The following THSD7B variants were observed in gnomAD, a reference collection of about 807,000 sequenced individuals.
THSD7B encodes thrombospondin type 1 domain containing 7B, also known as thrombospondin type-1 domain-containing protein 7B.
Under a neutral mutation model 213.6 loss-of-function variants are expected in THSD7B, and 138 were observed. That is an observed-to-expected ratio of 0.65 (90% confidence interval 0.56 to 0.74). The LOEUF is 0.74. THSD7B is among the 30% of genes least tolerant of loss of function. The pLI is 0.00. For synonymous variants in THSD7B, 742 were observed against 687.0 expected (o/e 1.08, Z -1.25); for missense variants, 1,931 against 1,991.5 (o/e 0.97, Z 0.58).
intron 2 of THSD7B, among the ~76,000 whole-genome samples, chr2:137,021,779 C>G (rs1686449953): frequency 6.6e-6 from 1 of 152,142 alleles, no homozygotes; most frequent in African/African-American, 2.4e-5. Flanking sequence ...AACCACTAAT[C>G]CGTTCTTTAT....
chr2:137,611,846 G>T (rs2104833919), intron 17 of THSD7B, among the ~76,000 whole-genome samples: 1 of 152,230 alleles, frequency 6.6e-6, no homozygotes, highest in East Asian at 1.9e-4. Flanking sequence ...AAGCGTAATT[G>T]TAAGTCTTTT....
chr2:137,405,473 G>A, intron 12 of THSD7B, 140 bp from the exon 13 acceptor site: 1 of 588,378 alleles, frequency 1.7e-6, no homozygotes, highest in South Asian at 3.5e-5. Context: ...GAGAAATAAG[G>A]TTAGCTATGT....
At chr2:136,805,064 G>A (rs1034946202) in intron 1 of THSD7B, among the ~76,000 whole-genome samples, 7 of 152,114 alleles carry the variant, frequency 4.6e-5, no homozygotes, top group African/African-American at 1.7e-4. Context: ...AAGACCCAGG[G>A]CATAGCTGCT....
intron 17 of THSD7B, among the ~76,000 whole-genome samples, chr2:137,583,110 A>G (rs1319546893): frequency 6.6e-6 from 1 of 151,998 alleles, no homozygotes; most frequent in Non-Finnish European, 1.5e-5. Flanking sequence ...GCATTTTTTC[A>G]TGTGTCTGTT....
chr2:137,167,367 A>T (rs927885209), intron 6 of THSD7B, among the ~76,000 whole-genome samples: 1 of 151,450 alleles, frequency 6.6e-6, no homozygotes, highest in Admixed American at 6.6e-5. Context: ...TGCCTGGCTA[A>T]TTTTTTTGTA....
At chr2:136,873,021 TAA>T (rs1553454610) in intron 1 of THSD7B, among the ~76,000 whole-genome samples, 2 of 43,504 alleles carry the variant, frequency 4.6e-5, no homozygotes, top group African/African-American at 9.3e-5. Context: ...AGACTCCATC[TAA>T]AAAAAAAAAA....
intron 7 of THSD7B, among the ~76,000 whole-genome samples, chr2:137,204,971 A>G (rs780788782): frequency 2.0e-5 from 3 of 152,068 alleles, no homozygotes; most frequent in Non-Finnish European, 2.9e-5. Flanking sequence ...GCATTTGAAT[A>G]TAACACCCAA....
chr2:137,332,573 T>G (rs1450124810), intron 12 of THSD7B, among the ~76,000 whole-genome samples: 1 of 152,146 alleles, frequency 6.6e-6, no homozygotes, highest in Non-Finnish European at 1.5e-5. Flanking sequence ...ATGATTGTGT[T>G]TTGAAATGTG....
At position 137,057,008 on chromosome 2, in the gene THSD7B, T is replaced by C. The variant is rs556678334; in HGVS notation, c.728T>C (p.Leu243Pro). Residue 243 changes from leucine to proline, a missense_variant, in exon 3 of 28, where the codon CTT becomes CCT. Coordinates refer to ENST00000409968, the MANE Select transcript of THSD7B (RefSeq NM_001316349.2). ...GGGGAAGAGGAATATACATTTAGCC[T>C]TAAGGTTGGACCATGGAGTAAATGC... ...PLGEEEYTFS[L>P]KVGPWSKCRL... 2 of 1,613,940 alleles carry C rather than the reference T, an allele frequency of 1.2e-6. No homozygotes were observed. Among genetic ancestry groups the C allele is most frequent in the East Asian group, 4.5e-5 (2 of 44,866 alleles).
At chr2:137,196,854 A>G (rs769947755) in intron 7 of THSD7B, among the ~76,000 whole-genome samples, 3 of 152,104 alleles carry the variant, frequency 2.0e-5, no homozygotes, top group Admixed American at 6.6e-5. Context: ...GAAATAGAAA[A>G]CGCTTCTGGT....
intron 1 of THSD7B, among the ~76,000 whole-genome samples, chr2:136,786,245 G>T (rs1458189102): frequency 6.6e-6 from 1 of 152,100 alleles, no homozygotes; most frequent in Non-Finnish European, 1.5e-5. Flanking sequence ...CTGTCTGTCG[G>T]TATACATATA....
chr2:137,603,865 C>T (rs1443501036), intron 17 of THSD7B, among the ~76,000 whole-genome samples: 2 of 152,154 alleles, frequency 1.3e-5, no homozygotes, highest in Non-Finnish European at 2.9e-5. Context: ...AATCCCAACA[C>T]TTTGGGAGGC....
Position 136,964,651 on chromosome 2 carries a change from A to C in THSD7B, c.139+82334A>C, listed in dbSNP as rs1320354890. Reference sequence around the variant, plus strand: ...TCTATAACATCTTCCATCTCAAAACAAAACAATAACAAAAACATCTCTCCA... The same window carrying C: ...TCTATAACATCTTCCATCTCAAAACCAAACAATAACAAAAACATCTCTCCA... On this transcript the variant is annotated intron_variant, in intron 2 of 27. Coordinates refer to ENST00000409968, the MANE Select transcript of THSD7B (RefSeq NM_001316349.2). 2.6e-5 allele frequency among the ~76,000 whole-genome samples: 4 copies of C among 152,250 alleles called. No individual in the cohort carries two copies. The East Asian group carries it at 7.7e-4, about 29-fold the overall frequency.
intron 1 of THSD7B, among the ~76,000 whole-genome samples, chr2:136,855,591 ATTATTTATTTATTATTTATTTATTTAT>A (rs200573378): frequency 4.6e-5 from 6 of 130,762 alleles, no homozygotes; most frequent in African/African-American, 1.1e-4. Flanking sequence ...GCATCCGGCT[ATTATTTATTTATTATTTATTTATTTAT>A]TTATTTATTT....
intron 2 of THSD7B, among the ~76,000 whole-genome samples, chr2:136,889,514 A>G (rs1288433645): frequency 6.6e-6 from 1 of 152,216 alleles, no homozygotes; most frequent in Non-Finnish European, 1.5e-5. Context: ...AACAGTGCCC[A>G]TACTCTTTGT....
chr2:137,316,286 T>A (rs933007541), intron 12 of THSD7B, among the ~76,000 whole-genome samples: 1 of 152,240 alleles, frequency 6.6e-6, no homozygotes, highest in Non-Finnish European at 1.5e-5. Context: ...TAAATGACTG[T>A]TCTTAACGGA....
chr2:137,173,278 G>A lies in THSD7B; in HGVS notation c.1723+2340G>A, dbSNP rs1302185894. On this transcript the variant is annotated intron_variant, in intron 7 of 27. Coordinates refer to ENST00000409968, the MANE Select transcript of THSD7B (RefSeq NM_001316349.2). Reference sequence around the variant, plus strand: ...AACATGAAAATAATAAGGAGGATTCGAATAGCCATAACTAATTCTTCCTCC... The same window carrying A: ...AACATGAAAATAATAAGGAGGATTCAAATAGCCATAACTAATTCTTCCTCC... 5.3e-5 allele frequency among the ~76,000 whole-genome samples: 8 copies of A among 152,208 alleles called. No homozygotes were observed. In the East Asian group the frequency reaches 1.5e-3, roughly 29 times the overall value.
chr2:137,634,127 T>G (rs2104854789), intron 20 of THSD7B, among the ~76,000 whole-genome samples: 1 of 152,254 alleles, frequency 6.6e-6, no homozygotes, highest in South Asian at 2.1e-4. Flanking sequence ...AACCTGATTT[T>G]GGGGTTCTTA....
chr2:137,375,712 A>G (rs1438762843), intron 12 of THSD7B, among the ~76,000 whole-genome samples: 2 of 152,224 alleles, frequency 1.3e-5, no homozygotes, highest in Admixed American at 6.5e-5. Flanking sequence ...TGTTTTTTAT[A>G]AAGAATGTAG....
Sources: allele counts gnomAD v4.1 joint callset (sites outside exome capture counted in the v4.1 genomes callset), GRCh38; gene constraint gnomAD v4.1.1; transcripts MANE v1.5; gene names NCBI Gene and HGNC (gene_info 2026-07-23, HGNC 2026-07-21).